The following UBE2E1 variants were observed in gnomAD, a reference collection of about 807,000 sequenced individuals.
The protein encoded by UBE2E1 is ubiquitin conjugating enzyme E2 E1.
In UBE2E1, 6 loss-of-function variants were observed where a neutral mutation model predicts 21.4. That is an observed-to-expected ratio of 0.28 (90% CI 0.15 to 0.55). The LOEUF is 0.55. UBE2E1 is among the 20% of genes least tolerant of loss of function. The pLI is 0.93. For missense variants in UBE2E1, 142 were observed against 236.5 expected, an observed-to-expected ratio of 0.60 and a Z score of 2.62; for synonymous variants, 87 against 82.7, an observed-to-expected ratio of 1.05 and a Z score of -0.28.
intron 3 of UBE2E1, chr3:23,878,970 G>C (rs1287660700): frequency 2.3e-6 from 1 of 436,272 alleles, no homozygotes; most frequent in Non-Finnish European, 4.5e-6. Context: ...AGAAAAGGTT[G>C]TGGACTGCTG....
At position 23,870,218 on chromosome 3, in the gene UBE2E1, C is replaced by T. The variant is rs1188881948; in HGVS notation, c.204-17349C>T. Among the ~76,000 whole-genome samples, 2 of 151,958 alleles carry T rather than the reference C, an allele frequency of 1.3e-5. No homozygotes were observed. The highest frequency in any genetic ancestry group is 2.9e-5 in the Non-Finnish European group (2 of 68,004). ...TATGTGATGTTTAGAGTTTCCAAGG[C>T]ACATAGAAAGGGAGAGACAGACAGC... is the stretch of plus-strand genomic sequence containing the variant. On this transcript the variant is annotated intron_variant, in intron 3 of 5. Transcript: ENST00000306627. This position sits in a 1 kb window ranked among gnomAD's most constrained non-coding sequence, Gnocchi z 4.2.
chr3:23,878,694 G>A (rs540749691), intron 3 of UBE2E1, among the ~76,000 whole-genome samples: 3 of 152,310 alleles, frequency 2.0e-5, no homozygotes, highest in South Asian at 2.1e-4. Flanking sequence ...TCTAGGTTGC[G>A]TGCTCCTTAT....
chr3:23,810,433 G>A lies in UBE2E1; in HGVS notation c.153-1027G>A, dbSNP rs9821247. ...AGGGTTGGTGCGGAGGGAGAAAACT[G>A]CAGGTCTCCAGTCTATCCCCAGTGT... On this transcript the variant is annotated intron_variant, in intron 2 of 5. Coordinates refer to ENST00000306627, the MANE Select transcript of UBE2E1 (RefSeq NM_003341.5). The surrounding 1 kb of genome is among the most constrained non-coding windows in gnomAD (Gnocchi z 5.8). 1,017 of 1,535,334 alleles carry A rather than the reference G, an allele frequency of 6.6e-4. 2 individuals are homozygous for A. In the African/African-American group the frequency reaches 0.013, roughly 19 times the overall value.
chr3:23,810,581 TCCGGTGCACCTGTGCGGCC>T lies in UBE2E1; in HGVS notation c.153-878_153-860del. 1 of 1,498,158 alleles carries T rather than the reference TCCGGTGCACCTGTGCGGCC, an allele frequency of 6.7e-7. No individual in the cohort carries two copies. The highest frequency in any genetic ancestry group is 1.2e-5 in the South Asian group (1 of 80,234). 92.8% of individuals were successfully genotyped at this position (1,498,158 alleles called of 1,614,324 possible). A position where few individuals can be genotyped will look rare whatever the true frequency, so the allele number is the denominator to read the frequency against. ...GCCAGCGTGCGGGGCGGAGGCAGGG[TCCGGTGCACCTGTGCGGCC>T]GCGGGCCGGCCACTTGGGGTCTGTG... On this transcript the variant is annotated intron_variant, in intron 2 of 5. Transcript: ENST00000306627. This position sits in a 1 kb window ranked among gnomAD's most constrained non-coding sequence, Gnocchi z 5.8.
chr3:23,869,419 C>CTGTGTGTGTGTGTG lies in UBE2E1; in HGVS notation c.204-18136_204-18123dup, dbSNP rs4024641. Among the ~76,000 whole-genome samples, 240 of 132,552 alleles carry CTGTGTGTGTGTGTG rather than the reference C, an allele frequency of 1.8e-3. 1 individual carries two copies. Among genetic ancestry groups the CTGTGTGTGTGTGTG allele is most frequent in the African/African-American group, 6.5e-3 (219 of 33,716 alleles). 87.0% of individuals were successfully genotyped at this position (132,552 alleles called of 152,430 possible). A position where few individuals can be genotyped will look rare whatever the true frequency, so the allele number is the denominator to read the frequency against. On this transcript the variant is annotated intron_variant, in intron 3 of 5. Coordinates refer to ENST00000306627, the MANE Select transcript of UBE2E1 (RefSeq NM_003341.5). ...TGTAGTCAGATCTGTTGGTCTTTTC[C>CTGTGTGTGTGTGTG]TGTGTGTGTGTGTGTGTGTGTGTGT...
At chr3:23,861,027 G>C (rs1330847965) in intron 3 of UBE2E1, among the ~76,000 whole-genome samples, 1 of 152,158 alleles carries the variant, frequency 6.6e-6, no homozygotes, top group Non-Finnish European at 1.5e-5. Flanking sequence ...GTGATGCTTG[G>C]GATGTCTATT....
intron 3 of UBE2E1, among the ~76,000 whole-genome samples, chr3:23,820,162 A>G (rs1227418862): frequency 6.6e-6 from 1 of 152,174 alleles, no homozygotes; most frequent in African/African-American, 2.4e-5. Flanking sequence ...GTGAAGTGAA[A>G]CTGGGTTTCA....
chr3:23,883,019 G>A (rs374499654), intron 3 of UBE2E1, among the ~76,000 whole-genome samples: 115 of 152,314 alleles, frequency 7.6e-4, no homozygotes, highest in African/African-American at 2.6e-3. Context: ...CCTCAAGCGC[G>A]GCCAGAGTGG....
intron 3 of UBE2E1, among the ~76,000 whole-genome samples, chr3:23,812,355 G>A (rs1699414116): frequency 6.6e-6 from 1 of 152,188 alleles, no homozygotes; most frequent in African/African-American, 2.4e-5. Flanking sequence ...AGGGATGTGA[G>A]ATTTCAGAAA....
chr3:23,854,283 A>G (rs115163349), intron 3 of UBE2E1, among the ~76,000 whole-genome samples: 2,013 of 151,304 alleles, frequency 0.013, 57 homozygotes, highest in African/African-American at 0.045. Context: ...ATCTACCCAC[A>G]GTGATTGGTT....
At chr3:23,845,575 C>CTGTGTGTG (rs1700179473) in intron 3 of UBE2E1, among the ~76,000 whole-genome samples, 1 of 66,978 alleles carries the variant, frequency 1.5e-5, no homozygotes, top group Admixed American at 2.0e-4. Flanking sequence ...CTCTCTCTCT[C>CTGTGTGTG]TCTCTCTCTC....
rs1431990199 is a variant in UBE2E1 at position 23,853,437 on chromosome 3, T to C, written c.204-34130T>C. Among the ~76,000 whole-genome samples the C allele has an allele frequency of 6.6e-6, 1 of 152,242 alleles. No individual in the cohort carries two copies. The highest frequency in any genetic ancestry group is 2.4e-5 in the African/African-American group (1 of 41,468). ...GTGTCTGTTTAAGAGCCAAGCATTT[T>C]AATTTTGATGAAGCCCAGTTTGTCA... is the stretch of plus-strand genomic sequence containing the variant. On this transcript the variant is annotated intron_variant, in intron 3 of 5. Coordinates refer to ENST00000306627, the MANE Select transcript of UBE2E1 (RefSeq NM_003341.5). This position sits in a 1 kb window ranked among gnomAD's most constrained non-coding sequence, Gnocchi z 4.1.
intron 3 of UBE2E1, among the ~76,000 whole-genome samples, chr3:23,843,979 T>A (rs1384760020): frequency 6.6e-6 from 1 of 152,222 alleles, no homozygotes; most frequent in Non-Finnish European, 1.5e-5. Context: ...CTTAACGATA[T>A]CTTCTTGATA....
intron 3 of UBE2E1, among the ~76,000 whole-genome samples, chr3:23,829,596 TA>T (rs1295860146): frequency 6.6e-6 from 1 of 152,020 alleles, no homozygotes; most frequent in Non-Finnish European, 1.5e-5. Context: ...TGAGCCCCCA[TA>T]CCTGCCCCTC....
At chr3:23,886,872 C>G (rs1346297420) in intron 3 of UBE2E1, among the ~76,000 whole-genome samples, 3 of 152,164 alleles carry the variant, frequency 2.0e-5, no homozygotes, top group African/African-American at 7.2e-5. Flanking sequence ...CAACACAATG[C>G]TTTAGAATGG....
intron 3 of UBE2E1, among the ~76,000 whole-genome samples, chr3:23,819,583 A>G (rs969998965): frequency 1.3e-5 from 2 of 152,210 alleles, no homozygotes; most frequent in African/African-American, 4.8e-5. Context: ...ATGTCTTTAT[A>G]TCCCTACAGT....
Position 23,887,491 on chromosome 3 carries a change from T to A in UBE2E1, c.204-76T>A. The A allele has an allele frequency of 6.7e-7, 1 of 1,493,200 alleles. No individual in the cohort carries two copies. The highest frequency in any genetic ancestry group is 2.3e-5 in the East Asian group (1 of 43,014). The allele number at this position is 1,493,200 out of a possible 1,614,324, so 92.5% of individuals were successfully genotyped here. On this transcript the variant is annotated intron_variant, in intron 3 of 5. Transcript: ENST00000306627. The surrounding 1 kb of genome is among the most constrained non-coding windows in gnomAD (Gnocchi z 4.4). ...AACAAAAGAGAGGAGAGAGGTAATC[T>A]TTCCATCTCTTTTAATACACTGTAA...
At chr3:23,873,475 G>A (rs140133921) in intron 3 of UBE2E1, among the ~76,000 whole-genome samples, 17 of 152,154 alleles carry the variant, frequency 1.1e-4, no homozygotes, top group Admixed American at 6.5e-4. Flanking sequence ...AGTCGGGCGC[G>A]GTGGCTCACG....
At chr3:23,869,375 T>C (rs891438992) in intron 3 of UBE2E1, among the ~76,000 whole-genome samples, 6 of 131,994 alleles carry the variant, frequency 4.5e-5, no homozygotes, top group African/African-American at 1.7e-4. Flanking sequence ...TTTTTTTTTT[T>C]AAGGATTTTC....
Sources: allele counts gnomAD v4.1 joint callset (sites outside exome capture counted in the v4.1 genomes callset), GRCh38; gene constraint gnomAD v4.1.1; non-coding constraint Gnocchi (gnomAD v3.1); transcripts MANE v1.5; gene names NCBI Gene and HGNC (gene_info 2026-07-23, HGNC 2026-07-21).